Variants in CFAP44 observed in about 807,000 individuals in gnomAD.
The protein encoded by CFAP44 is cilia- and flagella-associated protein 44.
CFAP44 carries 134 observed loss-of-function variants against 216.2 expected under a neutral mutation model. The ratio of observed to expected loss-of-function variants is 0.62; its 90% CI spans 0.54 to 0.72. CFAP44 has a LOEUF of 0.72. CFAP44 is among the 30% of genes least tolerant of loss of function. CFAP44 has a pLI of 0.00. For synonymous variants in CFAP44, 700 were observed against 727.6 expected (o/e 0.96, Z 0.61); for missense variants, 2,035 against 2,182.1 (o/e 0.93, Z 1.34).
chr3:113,426,177 C>A lies in CFAP44; in HGVS notation c.354G>T (p.Ser118=). The stretch of plus-strand genomic sequence containing the variant: ...TTGAATCCAGAGTCACAAAAGGCAT[C>A]GAAGCAAGCTCCATATAATCATAGA... ...SFFYDYMELA[S]MPFVTLDSNI... The change falls in exon 4 of 35, where the codon TCG becomes TCT. Residue 118 remains serine (S), a synonymous_variant. Transcript: ENST00000393845. 1 of 1,614,092 alleles carries A rather than the reference C, an allele frequency of 6.2e-7. No individual in the cohort carries two copies. Among genetic ancestry groups the A allele is most frequent in the Non-Finnish European group, 8.5e-7 (1 of 1,179,970 alleles).
chr3:113,351,325 C>A (rs1023313142), intron 22 of CFAP44, among the ~76,000 whole-genome samples: 1 of 152,098 alleles, frequency 6.6e-6, no homozygotes, highest in Non-Finnish European at 1.5e-5. Flanking sequence ...CCTATCAGTA[C>A]CCCTCAAAGC....
rs898467531 is a variant in CFAP44 at position 113,290,515 on chromosome 3, G to C, written c.*1042C>G. Reference sequence around the variant, plus strand: ...TATCCTGGAACAGCCTCAATGAGTAGCTCGTTAATACAGAGCTCTTAATCT... The same window carrying C: ...TATCCTGGAACAGCCTCAATGAGTACCTCGTTAATACAGAGCTCTTAATCT... On this transcript the variant is annotated 3_prime_UTR_variant, in exon 35 of 35. Coordinates refer to ENST00000393845, the MANE Select transcript of CFAP44 (RefSeq NM_001164496.2). 2 of 152,170 alleles carry C rather than the reference G, an allele frequency of 1.3e-5. No individual in the cohort carries two copies. The highest frequency in any genetic ancestry group is 1.3e-4 in the Admixed American group (2 of 15,278). 9.4% of individuals were successfully genotyped at this position (152,170 alleles called of 1,614,324 possible).
intron 22 of CFAP44, among the ~76,000 whole-genome samples, chr3:113,346,158 T>C (rs1576559591): frequency 6.6e-6 from 1 of 152,200 alleles, no homozygotes; most frequent in South Asian, 2.1e-4. Flanking sequence ...CAACACTCTG[T>C]AAAAACGCAC....
At chr3:113,342,010 CAG>C (rs1380556174) in intron 23 of CFAP44, 92 bp from the exon 24 acceptor site, 3 of 1,340,062 alleles carry the variant, frequency 2.2e-6, no homozygotes, top group Middle Eastern at 4.5e-4. Context: ...AGAAAAAACA[CAG>C]AGAATATATT....
intron 1 of CFAP44, 121 bp downstream of exon 1, chr3:113,441,332 A>C: frequency 1.0e-6 from 1 of 955,850 alleles, no homozygotes; most frequent in Non-Finnish European, 1.2e-6. Flanking sequence ...TACCGCAGGG[A>C]GGACGAAGGC....
At chr3:113,415,056 T>C (rs1043600963) in intron 6 of CFAP44, among the ~76,000 whole-genome samples, 3 of 152,178 alleles carry the variant, frequency 2.0e-5, no homozygotes, top group Non-Finnish European at 2.9e-5. Context: ...TATTGGTCTA[T>C]TCAGGGATTC....
chr3:113,424,542 T>C (rs374591973), intron 4 of CFAP44, among the ~76,000 whole-genome samples: 1 of 152,210 alleles, frequency 6.6e-6, no homozygotes. Flanking sequence ...GAATACCTGA[T>C]GGCTGACTTG....
At chr3:113,389,952 C>G (rs539061529) in intron 15 of CFAP44, among the ~76,000 whole-genome samples, 2 of 152,076 alleles carry the variant, frequency 1.3e-5, no homozygotes, top group African/African-American at 4.8e-5. Context: ...CATGCTCAAA[C>G]TATTATGAAA....
Position 113,291,638 on chromosome 3 carries a change from A to C in CFAP44, c.5484T>G (p.Ala1828=). 6.5e-7 allele frequency: 1 copy of C among 1,537,340 alleles called. No individual in the cohort carries two copies. Among genetic ancestry groups the C allele is most frequent in the South Asian group, 1.2e-5 (1 of 84,056 alleles). ...ERISALKEEI[A]LLRRKGSLIL... ...TAAGACTGCCTTTCCTACGCAAAAG[A>C]GCAATCTCCTCCTTTAAGGCCGAAA... is the stretch of plus-strand genomic sequence containing the variant. The change falls in exon 35 of 35, where the codon GCT becomes GCG. Residue 1828 remains alanine, a synonymous_variant. Transcript: ENST00000393845.
chr3:113,306,470 T>G (rs1304578997), intron 29 of CFAP44, 139 bp from the exon 30 acceptor site: 2 of 981,756 alleles, frequency 2.0e-6, no homozygotes, highest in Non-Finnish European at 3.0e-6. Context: ...CACTTATGGC[T>G]TAATTGTTCC....
intron 6 of CFAP44, among the ~76,000 whole-genome samples, chr3:113,410,049 T>A (rs973926808): frequency 6.6e-6 from 1 of 152,194 alleles, no homozygotes. Flanking sequence ...TAGCATATAA[T>A]CAAGAATAAC....
chr3:113,293,950 G>A (rs810209), intron 34 of CFAP44: 333,394 of 455,742 alleles, frequency 0.73, 124,161 homozygotes, highest in Admixed American at 0.83. Flanking sequence ...CTTAGCACCT[G>A]CATTTTAAAC....
At position 113,396,696 on chromosome 3, in the gene CFAP44, C is replaced by T. The variant is rs77501585; in HGVS notation, c.1601G>A (p.Gly534Glu). The T allele has an allele frequency of 1.2e-6, 2 of 1,613,770 alleles. No individual in the cohort carries two copies. Among genetic ancestry groups the T allele is most frequent in the African/African-American group, 2.7e-5 (2 of 74,896 alleles). Residue 534 changes from glycine (G) to glutamate (E), a missense_variant, in exon 14 of 35, where the codon GGA (glycine) becomes GAA (glutamate). By Grantham distance (98) the Gly-to-Glu change is moderately conservative. Coordinates refer to ENST00000393845, the MANE Select transcript of CFAP44 (RefSeq NM_001164496.2). Reference protein sequence around the residue: ...VNFTGAQIIVGFEDGVVRILE... With the variant: ...VNFTGAQIIVEFEDGVVRILE... ...AATTCGAACAACTCCATCTTCAAATCCTACAATAATTTGTGCTCCAGTGAA... is the reference window on the plus strand; with the variant it reads ...AATTCGAACAACTCCATCTTCAAATTCTACAATAATTTGTGCTCCAGTGAA...
At chr3:113,291,781 T>C in intron 34 of CFAP44, 33 bp from the exon 35 acceptor site, 1 of 1,532,990 alleles carries the variant, frequency 6.5e-7, no homozygotes, top group Non-Finnish European at 8.7e-7. Context: ...TGTTGAAGCA[T>C]CATTTGGCAT....
chr3:113,408,700 C>G (rs1275147639), intron 7 of CFAP44, among the ~76,000 whole-genome samples: 3 of 151,880 alleles, frequency 2.0e-5, no homozygotes, highest in Non-Finnish European at 4.4e-5. Context: ...CCCAACTCTA[C>G]TAAAAATACA....
chr3:113,374,305 G>A (rs1933265133), intron 17 of CFAP44, among the ~76,000 whole-genome samples: 1 of 152,072 alleles, frequency 6.6e-6, no homozygotes, highest in Non-Finnish European at 1.5e-5. Flanking sequence ...AAGAGGGAAA[G>A]CCAAAAGTGA....
rs1371728137 is a variant in CFAP44, at chr3:113,286,984, C to T, written c.*4573G>A. 1 of 1,003,190 alleles carries T rather than the reference C, an allele frequency of 1.0e-6. No homozygotes were observed. The highest frequency in any genetic ancestry group is 2.4e-5 in the Admixed American group (1 of 42,494). 62.1% of individuals were successfully genotyped at this position (1,003,190 alleles called of 1,614,324 possible). ...TTATAGCCATATTTATATATTTATG[C>T]ACTTGTAAATAAATGTATATGTTTT... On this transcript the variant is annotated 3_prime_UTR_variant, in exon 35 of 35. Coordinates refer to ENST00000393845, the MANE Select transcript of CFAP44 (RefSeq NM_001164496.2).
intron 15 of CFAP44, among the ~76,000 whole-genome samples, chr3:113,394,869 A>G (rs1933947371): frequency 6.6e-6 from 1 of 152,222 alleles, no homozygotes; most frequent in African/African-American, 2.4e-5. Flanking sequence ...TTAGTCACCA[A>G]TTCCTTTGTG....
chr3:113,312,096 C>T (rs1188109231), intron 28 of CFAP44, among the ~76,000 whole-genome samples: 1 of 138,190 alleles, frequency 7.2e-6, no homozygotes, highest in African/African-American at 2.9e-5. Context: ...TTTTTTGAGA[C>T]CAAGTCATGC....
Sources: allele counts gnomAD v4.1 joint callset (sites outside exome capture counted in the v4.1 genomes callset), GRCh38; gene constraint gnomAD v4.1.1; transcripts MANE v1.5; gene names NCBI Gene and HGNC (gene_info 2026-07-23, HGNC 2026-07-21).